The following NAALADL1 variants were observed in gnomAD, a reference collection of about 807,000 sequenced individuals.
NAALADL1 encodes the protein aminopeptidase NAALADL1.
A neutral mutation model predicts 82.8 loss-of-function variants in NAALADL1; 77 were observed. The ratio of observed to expected loss-of-function variants is 0.93; its 90% CI spans 0.77 to 1.12. The LOEUF (loss-of-function observed/expected upper bound fraction) is 1.12, where lower values mean the gene tolerates loss of function less well. Ranked by LOEUF, NAALADL1 falls within the 50% of genes most tolerant of loss-of-function variation. The pLI, the probability that NAALADL1 is intolerant of heterozygous loss-of-function variation, is 0.00. For missense variants in NAALADL1, 956 were observed against 964.0 expected (o/e 0.99, Z 0.11); for synonymous variants, 358 against 399.2 (o/e 0.90, Z 1.23).
Position 65,046,274 on chromosome 11 carries a change from ACT to A in NAALADL1, c.1768_1769del (p.Ser590Ter). 1 of 1,614,116 alleles carries A rather than the reference ACT, an allele frequency of 6.2e-7. No homozygotes were observed. The highest frequency in any genetic ancestry group is 1.1e-5 in the South Asian group (1 of 91,084). ...AGCTGCGGAGTGTCTCACTGTAGTC[ACT>A]GACTTTGAGGGGCAGGAAGAAGCTG... ...SDSFFLPLKV[S>X]DYSETLRSFL... On this transcript the variant is annotated frameshift_variant, in exon 15 of 18. Coordinates refer to ENST00000358658, the MANE Select transcript of NAALADL1 (RefSeq NM_005468.3). LOFTEE classifies it high-confidence loss of function.
At chr11:65,057,819 C>T in intron 3 of NAALADL1, 56 bp downstream of exon 3, 1 of 1,605,838 alleles carries the variant, frequency 6.2e-7, no homozygotes, top group South Asian at 1.1e-5. Flanking sequence ...GTGGGGAGAA[C>T]CCTGGGTGGA....
rs780473279 is a variant in NAALADL1 at position 65,046,368 on chromosome 11, G to A, written c.1682-6C>T. On this transcript the variant is annotated splice_region_variant and splice_polypyrimidine_tract_variant and intron_variant, in intron 14 of 17. Coordinates refer to ENST00000358658, the MANE Select transcript of NAALADL1 (RefSeq NM_005468.3). ...AGCCTGATGGCTGCTGAAGCCTGCG[G>A]CAAGGTGACAAGGCCAGGGCTCAGT... 6.2e-6 allele frequency: 10 copies of A among 1,614,118 alleles called. No individual in the cohort carries two copies. Among genetic ancestry groups the A allele is most frequent in the Admixed American group, 1.7e-5 (1 of 59,998 alleles).
chr11:65,046,231 G>A lies in NAALADL1; in HGVS notation c.1813C>T (p.Gln605Ter), dbSNP rs550610605. Residue 605 changes from glutamine to a stop codon, truncating the protein, a stop_gained, in exon 15 of 18, where the codon CAA (glutamine) becomes TAA (stop). Coordinates refer to ENST00000358658, the MANE Select transcript of NAALADL1 (RefSeq NM_005468.3). LOFTEE classifies it high-confidence loss of function. ...TGCTCCAGCAGGGCCCCAAGATCTT[G>A]CTGGGCTGCCTGCAGGAAGCTGCGG... Reference protein sequence around the residue: ...TLRSFLQAAQQDLGALLEQHS... With the variant: ...TLRSFLQAAQ 6.2e-7 allele frequency: 1 copy of A among 1,614,120 alleles called. No homozygotes were observed. Among genetic ancestry groups the A allele is most frequent in the African/African-American group, 1.3e-5 (1 of 75,060 alleles).
In NAALADL1 at chr11:65,047,983, C is replaced by G; in HGVS notation, c.1414G>C (p.Glu472Gln). The G allele has an allele frequency of 6.2e-7, 1 of 1,610,150 alleles. No homozygotes were observed. Among genetic ancestry groups the G allele is most frequent in the Non-Finnish European group, 8.5e-7 (1 of 1,178,234 alleles). Residue 472 changes from glutamate (E) to glutamine (Q), a missense_variant and splice_region_variant, in exon 11 of 18, where the codon GAG becomes CAG. Coordinates refer to ENST00000358658, the MANE Select transcript of NAALADL1 (RefSeq NM_005468.3). ...CCGCCCGGCCTGCCCCCTTCCACCT[C>G]TTTGGTTGCAGAGAAGACGACGCTC... The part of the protein sequence containing the change: ...VQSVVFSATK[E>Q]IRSPGPGDLS...
Position 65,046,092 on chromosome 11 carries a change from C to T in NAALADL1, c.1878G>A (p.Glu626=). 1 of 1,614,146 alleles carries T rather than the reference C, an allele frequency of 6.2e-7. No homozygotes were observed. The highest frequency in any genetic ancestry group is 8.5e-7 in the Non-Finnish European group (1 of 1,180,024). The change falls in exon 16 of 18, where the codon GAG becomes GAA. Residue 626 remains glutamate, a synonymous_variant. Coordinates refer to ENST00000358658, the MANE Select transcript of NAALADL1 (RefSeq NM_005468.3). ...AGGCTGCAGCTTCTGCCTCAAACTT[C>T]TCCACTGCAGTCACCAGAGGCCCTG... is the stretch of plus-strand genomic sequence containing the variant. ...ISLGPLVTAV[E]KFEAEAAALG...
rs551297959 is a variant in NAALADL1, at chr11:65,053,526, T to C, written c.1043A>G (p.Asn348Ser). ...YNRLELRNSS[N>S]VLGIIRGAVE... ...AGCCCCACGGATGATGCCCAGGACG[T>C]TGGAAGAGTTCCTCAGCTCCAGGCG... is the stretch of plus-strand genomic sequence containing the variant. The change falls in exon 7 of 18, where the codon AAC (asparagine) becomes AGC (serine). Residue 348 changes from asparagine (N) to serine (S), a missense_variant. Transcript: ENST00000358658. This position sits in a 1 kb window ranked among gnomAD's most constrained non-coding sequence, Gnocchi z 4.3. 8.1e-6 allele frequency: 13 copies of C among 1,613,326 alleles called. No homozygotes were observed. The highest frequency in any genetic ancestry group is 2.2e-5 in the South Asian group (2 of 91,030).
intron 8 of NAALADL1, among the ~76,000 whole-genome samples, chr11:65,050,556 A>G (rs2507812): frequency 0.99 from 151,183 of 152,010 alleles, 75,191 homozygotes; most frequent in Middle Eastern, 1. Context: ...TTGGAAGGCC[A>G]GAGCGGGTGG....
intron 8 of NAALADL1, among the ~76,000 whole-genome samples, chr11:65,050,957 G>C (rs960240942): frequency 2.6e-5 from 4 of 152,016 alleles, no homozygotes; most frequent in Admixed American, 6.6e-5. Context: ...CTCCCAACGT[G>C]CTGGGATTAT....
Position 65,046,011 on chromosome 11 carries a change from C to A in NAALADL1, c.1943+16G>T. 1 of 1,612,974 alleles carries A rather than the reference C, an allele frequency of 6.2e-7. No homozygotes were observed. Among genetic ancestry groups the A allele is most frequent in the Non-Finnish European group, 8.5e-7 (1 of 1,179,666 alleles). On this transcript the variant is annotated intron_variant, in intron 16 of 17. Transcript: ENST00000358658. ...GGGTGCTGCCCTCCCAGCCCCTGCC[C>A]GCTGCCCTTGCTCACTCAGGGCTGC...
At chr11:65,045,516 C>T (rs772692894) in intron 17 of NAALADL1, 59 bp from the exon 18 acceptor site, 69 of 1,502,760 alleles carry the variant, frequency 4.6e-5, no homozygotes, top group Non-Finnish European at 5.9e-5. Context: ...GAAAGAGAAG[C>T]CTGGGCCTAG....
At chr11:65,045,558 G>T in intron 17 of NAALADL1, 101 bp from the exon 18 acceptor site, 1 of 1,265,548 alleles carries the variant, frequency 7.9e-7, no homozygotes, top group Non-Finnish European at 1.1e-6. Context: ...CAGCGAGGCA[G>T]AAAAGCACCC....
rs140553013 is a variant in NAALADL1 at position 65,046,290 on chromosome 11, A to G, written c.1754T>C (p.Leu585Pro). ...ACTGTAGTCACTGACTTTGAGGGGC[A>G]GGAAGAAGCTGTCACTGAGCCGGAG... is the stretch of plus-strand genomic sequence containing the variant. ...VILRLSDSFF[L>P]PLKVSDYSET... Residue 585 changes from leucine to proline, a missense_variant, in exon 15 of 18, where the codon CTG becomes CCG. Physicochemically the swap from Leu to Pro is moderately conservative, Grantham distance 98. Coordinates refer to ENST00000358658, the MANE Select transcript of NAALADL1 (RefSeq NM_005468.3). 7.2e-5 allele frequency: 116 copies of G among 1,614,082 alleles called. No homozygotes were observed. The highest frequency in any genetic ancestry group is 9.4e-5 in the Non-Finnish European group (111 of 1,180,044).
rs1590768974 is a variant in NAALADL1, at chr11:65,054,426, G to C, written c.887+29C>G. 6 of 1,612,986 alleles carry C rather than the reference G, an allele frequency of 3.7e-6. No homozygotes were observed. The East Asian group carries it at 1.3e-4, about 36-fold the overall frequency. On this transcript the variant is annotated intron_variant, in intron 5 of 17. Transcript: ENST00000358658. This position sits in a 1 kb window ranked among gnomAD's most constrained non-coding sequence, Gnocchi z 4.3. Reference sequence around the variant, plus strand: ...TTGAAGTCTGGAGGCCACTGGGGCTGGGCAGGACACCCCAGGGCACAAACT... The same window carrying C: ...TTGAAGTCTGGAGGCCACTGGGGCTCGGCAGGACACCCCAGGGCACAAACT...
intron 17 of NAALADL1, 177 bp downstream of exon 17, chr11:65,045,645 A>G (rs1946702964): frequency 2.3e-6 from 2 of 868,508 alleles, no homozygotes. Context: ...TTCCAGTCCT[A>G]GCTCCCAGAG....
chr11:65,050,027 C>T (rs1183175418), intron 8 of NAALADL1, among the ~76,000 whole-genome samples: 2 of 151,504 alleles, frequency 1.3e-5, no homozygotes, highest in African/African-American at 4.8e-5. Context: ...AGGCACCCAC[C>T]ACCACGCCCA....
At position 65,046,546 on chromosome 11, in the gene NAALADL1, A is replaced by G. The variant is rs765557932; in HGVS notation, c.1600-20T>C. The G allele has an allele frequency of 1.2e-6, 2 of 1,612,922 alleles. No homozygotes were observed. The highest frequency in any genetic ancestry group is 4.5e-5 in the East Asian group (2 of 44,890). On this transcript the variant is annotated intron_variant, in intron 13 of 17. Transcript: ENST00000358658. ...CTTGCTCTGGGGGAACAAAGCCCAG[A>G]GGTGACAGGCTTGGGATGGGAAGTG...
chr11:65,046,000 C>T lies in NAALADL1; in HGVS notation c.1943+27G>A, dbSNP rs756530940. 8 of 1,612,224 alleles carry T rather than the reference C, an allele frequency of 5.0e-6. No individual in the cohort carries two copies. In the Admixed American group the frequency reaches 1.2e-4, roughly 24 times the overall value. ...TATCCTGCCCTGGGTGCTGCCCTCCCAGCCCCTGCCCGCTGCCCTTGCTCA... is the reference window on the plus strand; with the variant it reads ...TATCCTGCCCTGGGTGCTGCCCTCCTAGCCCCTGCCCGCTGCCCTTGCTCA... On this transcript the variant is annotated intron_variant, in intron 16 of 17. Transcript: ENST00000358658.
rs772085979 is a variant in NAALADL1, at chr11:65,048,303, T to G, written c.1281A>C (p.Thr427=). Residue 427 remains threonine, a synonymous_variant, in exon 9 of 18, where the codon ACA becomes ACC. Transcript: ENST00000358658. ...CCTACCCTGTAGGGCCACTCACTTC[T>G]GTGAATTCCGTGGAGCCAATGAGCC... ...EFGLIGSTEF[T]EEFFNKLQER... The G allele has an allele frequency of 8.7e-6, 14 of 1,614,038 alleles. No homozygotes were observed. In the East Asian group the frequency reaches 2.9e-4, roughly 33 times the overall value.
chr11:65,046,274 A>T lies in NAALADL1; in HGVS notation c.1770T>A (p.Ser590Arg). The T allele has an allele frequency of 6.2e-7, 1 of 1,614,116 alleles. No individual in the cohort carries two copies. Among genetic ancestry groups the T allele is most frequent in the Non-Finnish European group, 8.5e-7 (1 of 1,180,026 alleles). Reference sequence around the variant, plus strand: ...AGCTGCGGAGTGTCTCACTGTAGTCACTGACTTTGAGGGGCAGGAAGAAGC... The same window carrying T: ...AGCTGCGGAGTGTCTCACTGTAGTCTCTGACTTTGAGGGGCAGGAAGAAGC... ...SDSFFLPLKV[S>R]DYSETLRSFL... The change falls in exon 15 of 18, where the codon AGT becomes AGA. Residue 590 changes from serine (S) to arginine (R), a missense_variant. Transcript: ENST00000358658.
Sources: gnomAD v4.1 joint callset for allele counts (sites outside exome capture counted in the v4.1 genomes callset) on GRCh38, gnomAD v4.1.1 for gene constraint, Gnocchi (gnomAD v3.1) non-coding constraint, MANE v1.5 for transcripts, NCBI Gene and HGNC (gene_info 2026-07-23, HGNC 2026-07-21) for gene names.